Variants in PALD1 observed in about 807,000 individuals in gnomAD.
PALD1 encodes the protein paladin.
A neutral mutation model predicts 96.0 loss-of-function variants in PALD1; 57 were observed. The ratio of observed to expected loss-of-function variants is 0.59; its 90% CI spans 0.48 to 0.74. The LOEUF (loss-of-function observed/expected upper bound fraction) is 0.74. Ranked by LOEUF, PALD1 falls within the 30% of genes least tolerant of loss-of-function variation. PALD1 has a pLI of 0.00. For missense variants in PALD1, 1,063 were observed against 1,143.7 expected (o/e 0.93, Z 1.02); for synonymous variants, 464 against 473.6 (o/e 0.98, Z 0.26).
chr10:70,479,660 C>G (rs1166040531), intron 1 of PALD1, among the ~76,000 whole-genome samples: 1 of 152,140 alleles, frequency 6.6e-6, no homozygotes. Flanking sequence ...TGAAGGTGGC[C>G]GGGATGGTTG....
At chr10:70,467,878 T>G in the PALD1 span, among the ~76,000 whole-genome samples, 1 of 151,992 alleles carries the variant, frequency 6.6e-6, no homozygotes, top group Non-Finnish European at 1.5e-5. Flanking sequence ...TGGATTTTCA[T>G]GGAAGGAGTG....
At chr10:70,556,281 T>TCCCTCTCTCCCC (rs1554862626) in intron 18 of PALD1, among the ~76,000 whole-genome samples, 10 of 136,542 alleles carry the variant, frequency 7.3e-5, no homozygotes, top group Non-Finnish European at 4.7e-5. Context: ...AGCCGAGACC[T>TCCCTCTCTCCCC]CTCTCTCTCT....
At chr10:70,501,675 T>G (rs1196923766) in intron 1 of PALD1, among the ~76,000 whole-genome samples, 1 of 147,358 alleles carries the variant, frequency 6.8e-6, no homozygotes, top group East Asian at 2.1e-4. Context: ...TTCTAAATAG[T>G]GTATGTTTAC....
the PALD1 span, among the ~76,000 whole-genome samples, chr10:70,465,845 C>A: frequency 3.0e-4 from 45 of 152,190 alleles, no homozygotes; most frequent in African/African-American, 1.0e-3. Flanking sequence ...CTGCTTTGAA[C>A]CCCTGCCAGG....
chr10:70,498,265 A>G (rs1233042910), intron 1 of PALD1, among the ~76,000 whole-genome samples: 1 of 152,170 alleles, frequency 6.6e-6, no homozygotes, highest in African/African-American at 2.4e-5. Flanking sequence ...TCTTTTAAAA[A>G]ATGTTAACAT....
At chr10:70,465,133 C>T in the PALD1 span, among the ~76,000 whole-genome samples, 1 of 151,962 alleles carries the variant, frequency 6.6e-6, no homozygotes, top group Admixed American at 6.6e-5. Flanking sequence ...CACCACTATG[C>T]CCAGCTAATT....
chr10:70,515,319 T>C (rs1246540756), intron 1 of PALD1, among the ~76,000 whole-genome samples: 1 of 152,216 alleles, frequency 6.6e-6, no homozygotes, highest in African/African-American at 2.4e-5. Flanking sequence ...CTCCTGGTTC[T>C]TGAGGAAGGC....
At chr10:70,467,414 G>A in the PALD1 span, among the ~76,000 whole-genome samples, 1 of 151,942 alleles carries the variant, frequency 6.6e-6, no homozygotes, top group Non-Finnish European at 1.5e-5. Context: ...GTGGAGGTGG[G>A]GGGTGGGAGG....
chr10:70,492,188 C>T (rs555246905), intron 1 of PALD1, among the ~76,000 whole-genome samples: 112 of 152,224 alleles, frequency 7.4e-4, no homozygotes, highest in African/African-American at 2.5e-3. Flanking sequence ...AATTAGACAG[C>T]GGTGATGGTT....
At chr10:70,494,396 TA>T (rs1292522101) in intron 1 of PALD1, among the ~76,000 whole-genome samples, 5 of 152,230 alleles carry the variant, frequency 3.3e-5, no homozygotes, top group Non-Finnish European at 1.5e-5. Flanking sequence ...GTTTGTAGGA[TA>T]GCTACAGGAA....
chr10:70,566,796 C>T lies in PALD1; in HGVS notation c.*63C>T, dbSNP rs1847866141. The T allele has an allele frequency of 8.3e-7, 1 of 1,206,446 alleles. No individual in the cohort carries two copies. The highest frequency in any genetic ancestry group is 1.5e-5 in the African/African-American group (1 of 66,252). The allele number at this position is 1,206,446 out of a possible 1,614,324, so 74.7% of individuals were successfully genotyped here. A position where few individuals can be genotyped will look rare whatever the true frequency, so the allele number is the denominator to read the frequency against. On this transcript the variant is annotated 3_prime_UTR_variant, in exon 20 of 20. Coordinates refer to ENST00000263563, the MANE Select transcript of PALD1 (RefSeq NM_014431.3). The stretch of plus-strand genomic sequence containing the variant: ...ACGCAGGCCTGGGGTGTCTGAGGTG[C>T]TCTTGGCTGGGAGCGGCCCTGAGGG...
At chr10:70,531,237 G>T in intron 4 of PALD1, 53 bp from the exon 5 acceptor site, 6 of 1,504,286 alleles carry the variant, frequency 4.0e-6, no homozygotes, top group African/African-American at 1.4e-5. Context: ...AGTGGTGCAG[G>T]TGTCTGTGCG....
intron 18 of PALD1, among the ~76,000 whole-genome samples, chr10:70,557,838 G>A (rs1554862863): frequency 1.3e-5 from 2 of 150,864 alleles, no homozygotes; most frequent in Non-Finnish European, 3.0e-5. Flanking sequence ...ATACTAAGGA[G>A]TCTTCAGTAA....
At chr10:70,549,475 C>T (rs149422142) in intron 18 of PALD1, among the ~76,000 whole-genome samples, 1,888 of 152,356 alleles carry the variant, frequency 0.012, 16 homozygotes, top group Middle Eastern at 0.037. Flanking sequence ...CACTGCGAGG[C>T]ACCCAGAGGG....
chr10:70,521,077 G>A (rs1846724729), intron 1 of PALD1, among the ~76,000 whole-genome samples: 1 of 152,174 alleles, frequency 6.6e-6, no homozygotes, highest in Non-Finnish European at 1.5e-5. Flanking sequence ...GCTGCAGCCT[G>A]GATGATTCTG....
At chr10:70,512,603 C>T (rs1285111142) in intron 1 of PALD1, among the ~76,000 whole-genome samples, 5 of 152,238 alleles carry the variant, frequency 3.3e-5, no homozygotes, top group African/African-American at 9.7e-5. Context: ...AGGGCAAGGG[C>T]CAAGCTCATT....
upstream of PALD1, among the ~76,000 whole-genome samples, chr10:70,475,943 C>T (rs373627138): frequency 1.5e-4 from 23 of 152,322 alleles, no homozygotes; most frequent in African/African-American, 5.3e-4. Flanking sequence ...CACACATGCT[C>T]ACTTATAAAG....
upstream of PALD1, among the ~76,000 whole-genome samples, chr10:70,475,722 C>T (rs1484657194): frequency 1.3e-5 from 2 of 152,128 alleles, no homozygotes; most frequent in Non-Finnish European, 2.9e-5. Context: ...ATCTGGGGTT[C>T]CCACAGCTCA....
At position 70,497,639 on chromosome 10, in the gene PALD1, C is replaced by T. The variant is rs183693287; in HGVS notation, c.-30+18580C>T. Reference sequence around the variant, plus strand: ...AGTGCAGTAGTAGCGCGATCTCGGCCCACTGCAACCTCTGCCTCCCGAGTT... The same window carrying T: ...AGTGCAGTAGTAGCGCGATCTCGGCTCACTGCAACCTCTGCCTCCCGAGTT... On this transcript the variant is annotated intron_variant, in intron 1 of 19. Transcript: ENST00000263563. Among the ~76,000 whole-genome samples, 61 of 152,006 alleles carry T rather than the reference C, an allele frequency of 4.0e-4. 1 individual carries two copies. In the East Asian group the frequency reaches 5.8e-3, roughly 14 times the overall value.
Sources: gnomAD v4.1 joint callset for allele counts (sites outside exome capture counted in the v4.1 genomes callset) on GRCh38, gnomAD v4.1.1 for gene constraint, MANE v1.5 for transcripts, NCBI Gene and HGNC (gene_info 2026-07-23, HGNC 2026-07-21) for gene names.